Variants in PRELID2 observed in about 807,000 individuals in gnomAD.
PRELID2 encodes PRELI domain containing 2.
A neutral mutation model predicts 28.4 loss-of-function variants in PRELID2; 25 were observed. The ratio of observed to expected loss-of-function variants is 0.88; its 90% CI spans 0.64 to 1.23. The LOEUF is 1.23. Among genes scored for constraint, PRELID2 ranks in the 50% most tolerant of loss-of-function variants. The probability of loss-of-function intolerance (pLI) is 0.00; values close to 1 mark genes in which losing one functional copy is unlikely to be tolerated. For missense variants in PRELID2, 201 were observed against 214.4 expected, an observed-to-expected ratio of 0.94 and a Z score of 0.39; for synonymous variants, 76 against 71.6, an observed-to-expected ratio of 1.06 and a Z score of -0.31.
chr5:145,467,996 C>A (rs188284036), downstream of PRELID2, among the ~76,000 whole-genome samples: 220 of 151,660 alleles, frequency 1.5e-3, no homozygotes, highest in African/African-American at 5.3e-3. Context: ...ATACATGTGC[C>A]ATGTTGGTGT....
intron 1 of PRELID2, among the ~76,000 whole-genome samples, chr5:145,677,210 A>G (rs1443667163): frequency 4.4e-5 from 6 of 135,342 alleles, no homozygotes; most frequent in Non-Finnish European, 1.5e-5. Context: ...GCTGGAGTGC[A>G]GTGGTGCAAT....
chr5:145,448,858 A>T, the PRELID2 span, among the ~76,000 whole-genome samples: 1 of 152,184 alleles, frequency 6.6e-6, no homozygotes. Context: ...AATATTCATC[A>T]TCATTCTAAC....
At chr5:145,378,810 T>C in the PRELID2 span, among the ~76,000 whole-genome samples, 1 of 152,212 alleles carries the variant, frequency 6.6e-6, no homozygotes, top group Non-Finnish European at 1.5e-5. Context: ...TCAGCCTGGT[T>C]CAGAACCCTT....
At chr5:145,325,008 G>T in the PRELID2 span, among the ~76,000 whole-genome samples, 1 of 152,150 alleles carries the variant, frequency 6.6e-6, no homozygotes, top group African/African-American at 2.4e-5. Context: ...GTCTCCTGGA[G>T]ATGATAATAC....
chr5:145,267,413 C>A, the PRELID2 span, among the ~76,000 whole-genome samples: 92 of 152,266 alleles, frequency 6.0e-4, no homozygotes, highest in African/African-American at 2.1e-3. Flanking sequence ...TATTAACCAT[C>A]ACACTGTGCT....
chr5:145,285,756 G>T, the PRELID2 span, among the ~76,000 whole-genome samples: 1 of 152,106 alleles, frequency 6.6e-6, no homozygotes, highest in Non-Finnish European at 1.5e-5. Flanking sequence ...ACCTTATCAG[G>T]TTCCAAGGTT....
chr5:145,825,145 G>C (rs1046640916), intron 1 of PRELID2, among the ~76,000 whole-genome samples: 3 of 135,252 alleles, frequency 2.2e-5, no homozygotes, highest in Non-Finnish European at 4.6e-5. Context: ...AGAATTGCTT[G>C]AACCTGGGAG....
chr5:145,423,893 G>C, the PRELID2 span, among the ~76,000 whole-genome samples: 1 of 148,116 alleles, frequency 6.8e-6, no homozygotes, highest in South Asian at 2.1e-4. Flanking sequence ...TTTGATGTTG[G>C]TGATGTACAG....
chr5:145,497,117 A>G (rs1321497243), intron 1 of PRELID2, among the ~76,000 whole-genome samples: 1 of 151,312 alleles, frequency 6.6e-6, no homozygotes, highest in African/African-American at 2.4e-5. Context: ...TCCCACCTCA[A>G]CCTCCCAAAG....
At chr5:145,383,820 A>G in the PRELID2 span, among the ~76,000 whole-genome samples, 1 of 151,896 alleles carries the variant, frequency 6.6e-6, no homozygotes, top group Non-Finnish European at 1.5e-5. Context: ...AGATTGGCAC[A>G]CACATGCACA....
chr5:145,607,655 T>C (rs1284043099), intron 1 of PRELID2, among the ~76,000 whole-genome samples: 1 of 152,088 alleles, frequency 6.6e-6, no homozygotes, highest in African/African-American at 2.4e-5. Context: ...GGTTGTTTTA[T>C]GGCTGATTGT....
intron 1 of PRELID2, among the ~76,000 whole-genome samples, chr5:145,490,977 G>A (rs1752263873): frequency 7.3e-6 from 1 of 136,670 alleles, no homozygotes; most frequent in Non-Finnish European, 1.5e-5. Context: ...AGATTTTTCT[G>A]CTCCTACCAA....
the PRELID2 span, among the ~76,000 whole-genome samples, chr5:145,346,467 T>C: frequency 2.6e-5 from 4 of 152,148 alleles, no homozygotes; most frequent in African/African-American, 9.7e-5. Context: ...TCTCCTATTC[T>C]TGGCCCAAGA....
chr5:145,809,198 C>T (rs899421851), intron 4 of PRELID2, among the ~76,000 whole-genome samples: 3 of 152,112 alleles, frequency 2.0e-5, no homozygotes, highest in South Asian at 4.1e-4. Context: ...CACACCACCA[C>T]ACCCAGCTAA....
At chr5:145,686,488 C>G (rs1433040) in intron 1 of PRELID2, among the ~76,000 whole-genome samples, 1 of 152,240 alleles carries the variant, frequency 6.6e-6, no homozygotes, top group African/African-American at 2.4e-5. Flanking sequence ...CCAGCCCCAC[C>G]TAAAAACGTC....
chr5:145,577,898 G>A (rs893654361), intron 1 of PRELID2, among the ~76,000 whole-genome samples: 3 of 152,052 alleles, frequency 2.0e-5, no homozygotes, highest in African/African-American at 7.2e-5. Flanking sequence ...AATATTAGCT[G>A]AATAAAAAAT....
intron 1 of PRELID2, among the ~76,000 whole-genome samples, chr5:145,655,738 C>T (rs1754381957): frequency 6.6e-6 from 1 of 152,140 alleles, no homozygotes; most frequent in South Asian, 2.1e-4. Flanking sequence ...ACACCTTATA[C>T]AAAAATTAAT....
At chr5:145,830,111 A>C (rs1309485802) in intron 1 of PRELID2, among the ~76,000 whole-genome samples, 1 of 152,180 alleles carries the variant, frequency 6.6e-6, no homozygotes, top group Non-Finnish European at 1.5e-5. Context: ...TAATCCCCAA[A>C]AGAGTCAGTT....
intron 1 of PRELID2, among the ~76,000 whole-genome samples, chr5:145,594,539 T>C (rs1271852696): frequency 6.6e-6 from 1 of 152,230 alleles, no homozygotes; most frequent in Non-Finnish European, 1.5e-5. Context: ...ACATGTTCAT[T>C]GATGTATGCA....
Sources: gnomAD v4.1 joint callset for allele counts (sites outside exome capture counted in the v4.1 genomes callset) on GRCh38, gnomAD v4.1.1 for gene constraint, MANE v1.5 for transcripts, NCBI Gene and HGNC (gene_info 2026-07-23, HGNC 2026-07-21) for gene names.